CSMD1: variants seen among roughly 807,000 people sequenced by gnomAD.
CSMD1 encodes the protein CUB and Sushi multiple domains 1, also known as CUB and sushi domain-containing protein 1.
A neutral mutation model predicts 417.5 loss-of-function variants in CSMD1; 213 were observed. The observed-to-expected ratio is 0.51, with a 90% CI of 0.46 to 0.57. The LOEUF (loss-of-function observed/expected upper bound fraction) is 0.57. CSMD1 is among the 20% of genes least tolerant of loss of function. CSMD1 has a pLI of 0.00. For synonymous variants in CSMD1, 2,862 were observed against 1,736.8 expected, an observed-to-expected ratio of 1.65 and a Z score of -16.11; for missense variants, 6,923 against 4,529.7, an observed-to-expected ratio of 1.53 and a Z score of -15.17.
At chr8:4,907,055 G>C (rs747752301) in intron 1 of CSMD1, among the ~76,000 whole-genome samples, 1 of 152,178 alleles carries the variant, frequency 6.6e-6, no homozygotes, top group Non-Finnish European at 1.5e-5. Context: ...ACATAACAGT[G>C]AGAGAATGTT....
chr8:3,375,656 G>A (rs978709100), intron 18 of CSMD1, among the ~76,000 whole-genome samples: 10 of 152,104 alleles, frequency 6.6e-5, no homozygotes, highest in African/African-American at 2.4e-4. Flanking sequence ...GGAAGGAGGG[G>A]AGTAAATTGG....
At chr8:3,298,266 C>T (rs1278482042) in intron 25 of CSMD1, among the ~76,000 whole-genome samples, 1 of 152,152 alleles carries the variant, frequency 6.6e-6, no homozygotes, top group Non-Finnish European at 1.5e-5. Flanking sequence ...CATACATTCA[C>T]CAGGTAACAT....
intron 5 of CSMD1, among the ~76,000 whole-genome samples, chr8:3,860,661 A>G (rs1804638710): frequency 6.6e-6 from 1 of 152,182 alleles, no homozygotes; most frequent in Non-Finnish European, 1.5e-5. Context: ...CCGGTTAATT[A>G]TTATTTTTCT....
intron 23 of CSMD1, among the ~76,000 whole-genome samples, chr8:3,330,429 GATC>G (rs1210690532): frequency 2.6e-5 from 4 of 152,178 alleles, no homozygotes; most frequent in African/African-American, 9.7e-5. Flanking sequence ...AAAGGAATGA[GATC>G]ATGTCTTTTG....
At chr8:3,791,765 G>T (rs1455922841) in intron 5 of CSMD1, among the ~76,000 whole-genome samples, 2 of 152,186 alleles carry the variant, frequency 1.3e-5, no homozygotes, top group Admixed American at 6.5e-5. Flanking sequence ...GGAAGTTGCA[G>T]TGAGCCGACG....
chr8:4,515,867 C>G (rs903237014), intron 2 of CSMD1, among the ~76,000 whole-genome samples: 7 of 152,164 alleles, frequency 4.6e-5, no homozygotes, highest in Admixed American at 4.6e-4. Context: ...CCTGCTGGCA[C>G]CAAACTCAAA....
At chr8:4,617,533 G>C (rs1210791023) in intron 2 of CSMD1, among the ~76,000 whole-genome samples, 1 of 152,090 alleles carries the variant, frequency 6.6e-6, no homozygotes, top group East Asian at 1.9e-4. Flanking sequence ...TTTCTGTCTG[G>C]ATTTGGCTTC....
intron 3 of CSMD1, among the ~76,000 whole-genome samples, chr8:4,188,448 C>A (rs1446171687): frequency 1.3e-5 from 2 of 152,112 alleles, no homozygotes; most frequent in Non-Finnish European, 2.9e-5. Context: ...GAAATCCAGC[C>A]TGAGAAACTT....
chr8:4,022,561 T>G (rs1049148780), intron 4 of CSMD1, among the ~76,000 whole-genome samples: 7 of 152,124 alleles, frequency 4.6e-5, no homozygotes, highest in African/African-American at 1.4e-4. Flanking sequence ...TGAAACAGGG[T>G]GTGCATTGAG....
intron 7 of CSMD1, among the ~76,000 whole-genome samples, chr8:3,673,430 G>T (rs1471463763): frequency 6.6e-6 from 1 of 152,108 alleles, no homozygotes; most frequent in Non-Finnish European, 1.5e-5. Flanking sequence ...AACTCCCCTT[G>T]GTCTCTGGGT....
chr8:3,800,804 C>A (rs1430148191), intron 5 of CSMD1, among the ~76,000 whole-genome samples: 1 of 152,038 alleles, frequency 6.6e-6, no homozygotes, highest in African/African-American at 2.4e-5. Flanking sequence ...TTTGTACGTG[C>A]CCACTTCCCC....
At chr8:3,292,929 C>G (rs1563234537) in intron 25 of CSMD1, among the ~76,000 whole-genome samples, 1 of 151,862 alleles carries the variant, frequency 6.6e-6, no homozygotes, top group Admixed American at 6.6e-5. Flanking sequence ...TCTCGATGGT[C>G]TTTACATTTT....
intron 2 of CSMD1, among the ~76,000 whole-genome samples, chr8:4,605,225 C>T (rs1585319086): frequency 6.6e-6 from 1 of 151,972 alleles, no homozygotes; most frequent in East Asian, 1.9e-4. Flanking sequence ...GTTAACTTTA[C>T]AAATAAGGCA....
intron 21 of CSMD1, among the ~76,000 whole-genome samples, chr8:3,358,363 G>A (rs183276635): frequency 6.6e-6 from 1 of 152,170 alleles, no homozygotes; most frequent in Non-Finnish European, 1.5e-5. Flanking sequence ...TGAGCAACAT[G>A]GCTGGGTGGC....
rs566242107 is a variant in CSMD1 at position 3,584,072 on chromosome 8, C to CA, written c.1222+2063dup. Among the ~76,000 whole-genome samples the CA allele has an allele frequency of 8.3e-3, 1,256 of 152,098 alleles. 23 individuals carry two copies. The highest frequency in any genetic ancestry group is 0.029 in the African/African-American group (1,202 of 41,494). On this transcript the variant is annotated intron_variant, in intron 9 of 69. Coordinates refer to ENST00000635120, the MANE Select transcript of CSMD1 (RefSeq NM_033225.6). ...CAGCAGTATAAGTCATTATTTCAGA[C>CA]AAAAAATTAAGTTTATTACTTCAAA... is the stretch of plus-strand genomic sequence containing the variant.
At chr8:3,611,274 G>C (rs966172481) in intron 8 of CSMD1, among the ~76,000 whole-genome samples, 1 of 151,976 alleles carries the variant, frequency 6.6e-6, no homozygotes, top group Non-Finnish European at 1.5e-5. Context: ...AAGTCCTTGA[G>C]GGAGCAGGGA....
At chr8:3,895,173 A>C (rs1452753528) in intron 5 of CSMD1, among the ~76,000 whole-genome samples, 1 of 152,232 alleles carries the variant, frequency 6.6e-6, no homozygotes, top group African/African-American at 2.4e-5. Flanking sequence ...ATTCAGAGAC[A>C]CCAACAAAGT....
intron 3 of CSMD1, among the ~76,000 whole-genome samples, chr8:4,205,779 G>A (rs111970491): frequency 7.2e-5 from 11 of 152,138 alleles, no homozygotes; most frequent in Admixed American, 2.6e-4. Context: ...AGAAGAAATA[G>A]ATGCCTGTGT....
chr8:3,706,577 G>C (rs1006715362), intron 7 of CSMD1, among the ~76,000 whole-genome samples: 1 of 152,124 alleles, frequency 6.6e-6, no homozygotes, highest in Non-Finnish European at 1.5e-5. Context: ...GTTCAGATGA[G>C]GACAGAAGAG....
Sources: gnomAD v4.1 joint callset for allele counts (sites outside exome capture counted in the v4.1 genomes callset) on GRCh38, gnomAD v4.1.1 for gene constraint, MANE v1.5 for transcripts, NCBI Gene and HGNC (gene_info 2026-07-23, HGNC 2026-07-21) for gene names.